The following MTMR12 variants were observed in gnomAD, a reference collection of about 807,000 sequenced individuals.
MTMR12 encodes the protein myotubularin related protein 12.
A neutral mutation model predicts 96.7 loss-of-function variants in MTMR12; 33 were observed. That is an observed-to-expected ratio of 0.34 (90% CI 0.26 to 0.46). The LOEUF (loss-of-function observed/expected upper bound fraction) is 0.46, where lower values mean the gene tolerates loss of function less well. MTMR12 is among the 20% of genes least tolerant of loss of function. The pLI is 1.00. For synonymous variants in MTMR12, 298 were observed against 327.2 expected (o/e 0.91, Z 0.96); for missense variants, 721 against 896.1 (o/e 0.80, Z 2.49).
chr5:32,269,671 C>T (rs1469456665), intron 5 of MTMR12, among the ~76,000 whole-genome samples: 1 of 152,102 alleles, frequency 6.6e-6, no homozygotes, highest in African/African-American at 2.4e-5. Context: ...TCTAATTTCT[C>T]AAAAGCAAAG....
intron 1 of MTMR12, among the ~76,000 whole-genome samples, chr5:32,282,209 C>A (rs907764806): frequency 1.3e-5 from 2 of 151,780 alleles, no homozygotes; most frequent in Admixed American, 6.6e-5. Context: ...GGTGAAACCC[C>A]GTCTCTACTA....
At chr5:32,294,740 A>T (rs79993435) in intron 1 of MTMR12, among the ~76,000 whole-genome samples, 7,434 of 152,330 alleles carry the variant, frequency 0.049, 222 homozygotes, top group East Asian at 0.087. Context: ...CTGACAAGAC[A>T]GTAAATTGTC....
intron 5 of MTMR12, 112 bp from the exon 6 acceptor site, chr5:32,268,906 C>T (rs1749713144): frequency 4.0e-6 from 3 of 748,394 alleles, no homozygotes; most frequent in African/African-American, 1.8e-5. Context: ...TTCCAATGGA[C>T]AACATATTAA....
chr5:32,303,847 C>CAAAAA (rs57459005), intron 1 of MTMR12, among the ~76,000 whole-genome samples: 3 of 68,370 alleles, frequency 4.4e-5, no homozygotes, highest in East Asian at 8.5e-4. Context: ...TTTGCCATCT[C>CAAAAA]AAAAAAAAAA....
In MTMR12 at chr5:32,239,010, G is replaced by C; in HGVS notation, c.1335C>G (p.Asp445Glu). ...CAGTGAGGGAACTCACCTCCTCTTT[G>C]TCGTTCTGGCGGAGATGGTTGCAGC... ...LDRCNHLRQN[D>E]KEEVPVFLLF... The change falls in exon 13 of 16, where the codon GAC becomes GAG. Residue 445 changes from aspartate (D) to glutamate (E), a missense_variant. Asp to Glu is a conservative substitution (Grantham distance 45). Coordinates refer to ENST00000382142, the MANE Select transcript of MTMR12 (RefSeq NM_001040446.3). 1 of 1,593,208 alleles carries C rather than the reference G, an allele frequency of 6.3e-7. No individual in the cohort carries two copies. Among genetic ancestry groups the C allele is most frequent in the Non-Finnish European group, 8.6e-7 (1 of 1,167,514 alleles).
chr5:32,245,160 G>A (rs966647645), intron 10 of MTMR12, among the ~76,000 whole-genome samples: 11 of 152,068 alleles, frequency 7.2e-5, no homozygotes, highest in South Asian at 2.1e-4. Flanking sequence ...CTCAGCCTCC[G>A]GAGTAGCTGG....
rs199692912 is a variant in MTMR12 at position 32,239,035 on chromosome 5, C to T, written c.1310G>A (p.Arg437His). 9 of 1,606,394 alleles carry T rather than the reference C, an allele frequency of 5.6e-6. No individual in the cohort carries two copies. Among genetic ancestry groups the T allele is most frequent in the South Asian group, 1.1e-5 (1 of 88,786 alleles). Reference sequence around the variant, plus strand: ...GTCGTTCTGGCGGAGATGGTTGCAGCGATCCAAGAAACAGTGGCCACCCAT... The same window carrying T: ...GTCGTTCTGGCGGAGATGGTTGCAGTGATCCAAGAAACAGTGGCCACCCAT... ...WVMGGHCFLD[R>H]CNHLRQNDKE... The change falls in exon 13 of 16, where the codon CGC (arginine) becomes CAC (histidine). Residue 437 changes from arginine to histidine, a missense_variant. By Grantham distance (29) the Arg-to-His change is conservative. Transcript: ENST00000382142.
At chr5:32,260,928 G>C (rs1749340091) in intron 7 of MTMR12, among the ~76,000 whole-genome samples, 2 of 151,710 alleles carry the variant, frequency 1.3e-5, no homozygotes, top group African/African-American at 4.8e-5. Context: ...AGATTATACA[G>C]TCATGCTTTA....
chr5:32,270,668 G>A lies in MTMR12; in HGVS notation c.489+149C>T, dbSNP rs116024405. 8.6e-3 allele frequency: 7,030 copies of A among 819,126 alleles called. 345 individuals carry two copies. The African/African-American group carries it at 0.11, about 12-fold the overall frequency. The allele number at this position is 819,126 out of a possible 1,614,324, so 50.7% of individuals were successfully genotyped here. ...CATGCTTTATCAAATTACTTTTCACGTTCTAATCAAAGAATATGGGATTAC... is the reference window on the plus strand; with the variant it reads ...CATGCTTTATCAAATTACTTTTCACATTCTAATCAAAGAATATGGGATTAC... On this transcript the variant is annotated intron_variant, in intron 5 of 15. Transcript: ENST00000382142.
intron 11 of MTMR12, among the ~76,000 whole-genome samples, chr5:32,242,349 T>A (rs1488897528): frequency 2.6e-5 from 4 of 152,132 alleles, no homozygotes; most frequent in African/African-American, 9.7e-5. Context: ...CAGGAGGGAA[T>A]CCTAAAGTTG....
At position 32,235,091 on chromosome 5, in the gene MTMR12, C is replaced by T. The variant is rs747637861; in HGVS notation, c.1383G>A (p.Gln461=). The change falls in exon 14 of 16, where the codon CAG becomes CAA. Residue 461 remains glutamine (Q), a synonymous_variant. Transcript: ENST00000382142. ...ATGCCGGGGGATGCTGGTGCACCAG[C>T]TGCCAGACACAATCTAGGAAAAGCA... ...VFLLFLDCVW[Q]LVHQHPPAFE... The T allele has an allele frequency of 5.0e-6, 8 of 1,613,654 alleles. No individual in the cohort carries two copies. In the African/African-American group the frequency reaches 9.3e-5, roughly 19 times the overall value.
chr5:32,277,902 C>T (rs1029882332), intron 1 of MTMR12, among the ~76,000 whole-genome samples: 2 of 152,128 alleles, frequency 1.3e-5, no homozygotes, highest in African/African-American at 4.8e-5. Context: ...CACACCAGGG[C>T]TCAGTAAAGA....
intron 1 of MTMR12, among the ~76,000 whole-genome samples, chr5:32,310,361 T>C (rs923406887): frequency 6.6e-6 from 1 of 152,176 alleles, no homozygotes; most frequent in Non-Finnish European, 1.5e-5. Context: ...CCATGTTTAT[T>C]ACAACACTAT....
At chr5:32,282,211 T>C (rs1374594391) in intron 1 of MTMR12, among the ~76,000 whole-genome samples, 1 of 151,686 alleles carries the variant, frequency 6.6e-6, no homozygotes, top group African/African-American at 2.4e-5. Context: ...TGAAACCCCG[T>C]CTCTACTAAA....
chr5:32,234,041 G>T, intron 14 of MTMR12, 107 bp from the exon 15 acceptor site: 1 of 1,323,108 alleles, frequency 7.6e-7, no homozygotes, highest in Non-Finnish European at 1.0e-6. Flanking sequence ...TCTGCCCTGA[G>T]AATGAATAAT....
chr5:32,239,325 C>T (rs889664159), intron 12 of MTMR12, 152 bp from the exon 13 acceptor site: 1 of 791,974 alleles, frequency 1.3e-6, no homozygotes, highest in Non-Finnish European at 1.8e-6. Context: ...AAGGCAAGGG[C>T]CAATAACAAA....
chr5:32,301,041 C>T (rs868503895), intron 1 of MTMR12, among the ~76,000 whole-genome samples: 1 of 152,126 alleles, frequency 6.6e-6, no homozygotes, highest in Non-Finnish European at 1.5e-5. Flanking sequence ...CGCCACTGCA[C>T]TGCAGCTGGG....
chr5:32,299,897 T>TCCCCACA (rs2112152678), intron 1 of MTMR12, among the ~76,000 whole-genome samples: 1 of 152,174 alleles, frequency 6.6e-6, no homozygotes, highest in Admixed American at 6.5e-5. Flanking sequence ...ATCCCCCTCC[T>TCCCCACA]CCCCACACCA....
intron 6 of MTMR12, among the ~76,000 whole-genome samples, chr5:32,266,862 G>A (rs1263627641): frequency 2.7e-5 from 4 of 150,576 alleles, no homozygotes; most frequent in Admixed American, 2.0e-4. Flanking sequence ...GGAGGATCAC[G>A]AGATCAGGAG....
Sources: gnomAD v4.1 joint callset for allele counts (sites outside exome capture counted in the v4.1 genomes callset) on GRCh38, gnomAD v4.1.1 for gene constraint, MANE v1.5 for transcripts, NCBI Gene and HGNC (gene_info 2026-07-23, HGNC 2026-07-21) for gene names.